Variants in DNAAF4 observed in about 807,000 individuals in gnomAD.
The protein encoded by DNAAF4 is dynein assembly factor 4, axonemal.
In DNAAF4, 43 loss-of-function variants were observed where a neutral mutation model predicts 51.8. That is an observed-to-expected ratio of 0.83 (90% confidence interval 0.65 to 1.07). The LOEUF is 1.07. Among genes scored for constraint, DNAAF4 ranks in the 50% least tolerant of loss-of-function variants. The pLI is 0.00. For missense variants in DNAAF4, 581 were observed against 493.0 expected (o/e 1.18, Z -1.69); for synonymous variants, 194 against 165.6 (o/e 1.17, Z -1.32).
intron 4 of DNAAF4, among the ~76,000 whole-genome samples, chr15:55,469,474 CTTT>C (rs1162485238): frequency 4.5e-5 from 3 of 66,254 alleles, no homozygotes; most frequent in African/African-American, 1.9e-4. Context: ...CTTACCAATT[CTTT>C]TTTTTTTTTT....
intron 4 of DNAAF4, among the ~76,000 whole-genome samples, chr15:55,490,162 T>C (rs986869710): frequency 2.6e-5 from 4 of 152,176 alleles, no homozygotes; most frequent in Admixed American, 2.6e-4. Flanking sequence ...CATGAGCCAC[T>C]GCGCTTGGCC....
chr15:55,469,159 T>A (rs546949397), intron 4 of DNAAF4, among the ~76,000 whole-genome samples: 1 of 151,954 alleles, frequency 6.6e-6, no homozygotes, highest in East Asian at 2.0e-4. Context: ...GGTGAAACCC[T>A]GTCTCTACTA....
intron 6 of DNAAF4, among the ~76,000 whole-genome samples, chr15:55,441,982 G>A (rs1595898203): frequency 6.6e-6 from 1 of 152,272 alleles, no homozygotes; most frequent in South Asian, 2.1e-4. Context: ...GCACATGTCT[G>A]TGTCTTCCCT....
At chr15:55,459,239 T>C (rs1351854563) in intron 5 of DNAAF4, among the ~76,000 whole-genome samples, 1 of 152,114 alleles carries the variant, frequency 6.6e-6, no homozygotes, top group Non-Finnish European at 1.5e-5. Flanking sequence ...GCTAAGAGTT[T>C]TGTATCCAGT....
chr15:55,430,170 G>A, downstream of DNAAF4: 2 of 165,022 alleles, frequency 1.2e-5, no homozygotes, highest in Non-Finnish European at 2.5e-5. Flanking sequence ...GTCTAATCTT[G>A]AACAACAAGC....
At chr15:55,427,652 T>C (rs1352343964), downstream of DNAAF4, among the ~76,000 whole-genome samples, 2 of 151,884 alleles carry the variant, frequency 1.3e-5, no homozygotes, top group African/African-American at 4.8e-5. Flanking sequence ...TTTTTTTTTT[T>C]GAGATGGAGT....
intron 4 of DNAAF4, among the ~76,000 whole-genome samples, chr15:55,478,606 C>A (rs866475595): frequency 6.6e-6 from 1 of 152,182 alleles, no homozygotes; most frequent in Non-Finnish European, 1.5e-5. Context: ...CCAATCCCAG[C>A]CCAATCTTGG....
At chr15:55,424,161 T>C (rs1490345701) in intron 7 of DNAAF4, among the ~76,000 whole-genome samples, 1 of 152,104 alleles carries the variant, frequency 6.6e-6, no homozygotes, top group South Asian at 2.1e-4. Context: ...AATACAGAAG[T>C]GAGTTAGTTA....
intron 1 of DNAAF4, among the ~76,000 whole-genome samples, chr15:55,506,681 A>G (rs2058729012): frequency 6.6e-6 from 1 of 152,198 alleles, no homozygotes. Context: ...ATAGAAAAAA[A>G]CCTGAAAATA....
At position 55,476,344 on chromosome 15, in the gene DNAAF4, T is replaced by C. The variant is rs564092738; in HGVS notation, c.406-9183A>G. Among the ~76,000 whole-genome samples the C allele has an allele frequency of 6.6e-5, 10 of 152,106 alleles. No individual in the cohort carries two copies. The South Asian group carries it at 2.1e-3, about 32-fold the overall frequency. On this transcript the variant is annotated intron_variant, in intron 4 of 9. Transcript: ENST00000321149. ...GGCATGTGCGTGTAGTCCCAGCTAC[T>C]CAGGAGGCTGGGGCAGGAAGACTGC...
rs528505906 is a variant in DNAAF4, at chr15:55,492,680, C to T, written c.272-1424G>A. ...TCAGCCTCCCAAGTAGCCGGGACTA[C>T]GGGTGGGCATCACCACGCCCACCTA... is the stretch of plus-strand genomic sequence containing the variant. On this transcript the variant is annotated intron_variant, in intron 3 of 9. Coordinates refer to ENST00000321149, the MANE Select transcript of DNAAF4 (RefSeq NM_130810.4). Among the ~76,000 whole-genome samples, 14 of 152,014 alleles carry T rather than the reference C, an allele frequency of 9.2e-5. No individual in the cohort carries two copies. In the South Asian group the frequency reaches 2.7e-3, roughly 29 times the overall value.
chr15:55,426,115 C>T (rs186577388), downstream of DNAAF4, among the ~76,000 whole-genome samples: 1 of 152,284 alleles, frequency 6.6e-6, no homozygotes, highest in East Asian at 1.9e-4. Flanking sequence ...GGAATTGAAG[C>T]TGTCCTCTTA....
intron 7 of DNAAF4, among the ~76,000 whole-genome samples, chr15:55,436,374 T>G (rs2057610664): frequency 6.6e-6 from 1 of 152,118 alleles, no homozygotes; most frequent in Admixed American, 6.6e-5. Flanking sequence ...TTGCCCATTA[T>G]TATTATTTTT....
At chr15:55,504,022 A>T (rs1479686475) in intron 1 of DNAAF4, among the ~76,000 whole-genome samples, 1 of 152,196 alleles carries the variant, frequency 6.6e-6, no homozygotes, top group Non-Finnish European at 1.5e-5. Context: ...CTATTTAGAA[A>T]ACCGCATAGC....
At chr15:55,482,753 T>C (rs140912956) in intron 4 of DNAAF4, among the ~76,000 whole-genome samples, 3 of 152,264 alleles carry the variant, frequency 2.0e-5, no homozygotes, top group Non-Finnish European at 4.4e-5. Flanking sequence ...GTAGTACTAT[T>C]TGTAATAGCC....
intron 1 of DNAAF4, among the ~76,000 whole-genome samples, chr15:55,502,232 G>T (rs1259774241): frequency 6.6e-6 from 1 of 152,166 alleles, no homozygotes; most frequent in Admixed American, 6.6e-5. Context: ...GAATTTAGGA[G>T]AAGGAGGTTT....
At chr15:55,499,288 T>G (rs2058679683) in intron 1 of DNAAF4, among the ~76,000 whole-genome samples, 2 of 152,184 alleles carry the variant, frequency 1.3e-5, no homozygotes, top group Non-Finnish European at 2.9e-5. Context: ...CACACCTCTG[T>G]TGAGTGTTGG....
intron 5 of DNAAF4, among the ~76,000 whole-genome samples, chr15:55,464,129 A>C (rs8038102): frequency 0.24 from 37,020 of 152,198 alleles, 5,698 homozygotes; most frequent in Non-Finnish European, 0.35. Context: ...AATGGAACAG[A>C]ATAGAGAACC....
chr15:55,432,564 A>T lies in DNAAF4; in HGVS notation c.1086T>A (p.Ala362=), dbSNP rs765101617. The change falls in exon 9 of 10, where the codon GCT becomes GCA. Residue 362 remains alanine (A), a synonymous_variant. Coordinates refer to ENST00000321149, the MANE Select transcript of DNAAF4 (RefSeq NM_130810.4). ...ELLMPPVTDN[A]NARMKAHVRR... is the part of the protein sequence containing the mutation. ...GTACATGTGCCTTCATTCTTGCATT[A>T]GCATTGTCTGTAACAGGTGGCATCA... 1 of 1,612,654 alleles carries T rather than the reference A, an allele frequency of 6.2e-7. No homozygotes were observed. The highest frequency in any genetic ancestry group is 8.5e-7 in the Non-Finnish European group (1 of 1,179,024).
Sources: gnomAD v4.1 joint callset for allele counts (sites outside exome capture counted in the v4.1 genomes callset) on GRCh38, gnomAD v4.1.1 for gene constraint, MANE v1.5 for transcripts, NCBI Gene and HGNC (gene_info 2026-07-23, HGNC 2026-07-21) for gene names.